CDYL: variants seen among roughly 807,000 people sequenced by gnomAD.
CDYL encodes the protein chromodomain Y like, also known as chromodomain Y-like protein.
Under a neutral mutation model 47.3 loss-of-function variants are expected in CDYL, and 8 were observed. That is an observed-to-expected ratio of 0.17 (90% CI 0.10 to 0.31). The LOEUF (loss-of-function observed/expected upper bound fraction) is 0.31. Ranked by LOEUF, CDYL falls within the 10% of genes least tolerant of loss-of-function variation. The pLI, the probability that CDYL is intolerant of heterozygous loss-of-function variation, is 1.00. For missense variants in CDYL, 471 were observed against 701.4 expected, an observed-to-expected ratio of 0.67 and a Z score of 3.71; for synonymous variants, 266 against 265.0, an observed-to-expected ratio of 1.00 and a Z score of -0.04.
At chr6:4,757,715 G>A (rs1349000135) in intron 3 of CDYL, among the ~76,000 whole-genome samples, 2 of 152,160 alleles carry the variant, frequency 1.3e-5, no homozygotes, top group Admixed American at 1.3e-4. Flanking sequence ...TTGAAGAAAA[G>A]GCATTGTGTA....
chr6:4,815,250 G>C (rs551570038), intron 1 of CDYL, among the ~76,000 whole-genome samples: 1 of 152,012 alleles, frequency 6.6e-6, no homozygotes. Context: ...TGTATATATC[G>C]TGTATCACAT....
intron 1 of CDYL, among the ~76,000 whole-genome samples, chr6:4,851,991 A>C (rs1760842572): frequency 6.6e-6 from 1 of 151,352 alleles, no homozygotes; most frequent in African/African-American, 2.4e-5. Context: ...TGAAGTAACC[A>C]GGCCAGTTGC....
rs561352993 is a variant in CDYL, at chr6:4,805,116, C to T, written c.24+28309C>T. On this transcript the variant is annotated intron_variant, in intron 1 of 6. Transcript: ENST00000397588. ...TTTTGAATAGGAATAATATATAAAC[C>T]ATTGATCTCAAAACACTAAAAACTA... is the stretch of plus-strand genomic sequence containing the variant. Among the ~76,000 whole-genome samples, 3 of 152,268 alleles carry T rather than the reference C, an allele frequency of 2.0e-5. No individual in the cohort carries two copies. The East Asian group carries it at 5.8e-4, about 29-fold the overall frequency.
chr6:4,726,062 A>G (rs906289184), intron 2 of CDYL, among the ~76,000 whole-genome samples: 1 of 152,176 alleles, frequency 6.6e-6, no homozygotes, highest in Admixed American at 6.5e-5. Context: ...CAGCTCCAAA[A>G]TGGTCCCCAT....
At chr6:4,708,058 C>A (rs181930379) in intron 1 of CDYL, among the ~76,000 whole-genome samples, 1 of 152,204 alleles carries the variant, frequency 6.6e-6, no homozygotes. Context: ...TTGGAACTTA[C>A]TGAAACTTCC....
chr6:4,713,699 T>C (rs1478407962), intron 1 of CDYL, among the ~76,000 whole-genome samples: 1 of 151,862 alleles, frequency 6.6e-6, no homozygotes, highest in Non-Finnish European at 1.5e-5. Context: ...GAAGTTCTCC[T>C]GTCTCAGCCC....
chr6:4,907,307 GCTGA>G (rs1369630604), intron 2 of CDYL, among the ~76,000 whole-genome samples: 2 of 152,256 alleles, frequency 1.3e-5, no homozygotes, highest in African/African-American at 2.4e-5. Context: ...TGGAAGAAAA[GCTGA>G]CTGTCAGAGT....
At chr6:4,947,077 A>G (rs938566018) in intron 5 of CDYL, among the ~76,000 whole-genome samples, 1 of 152,186 alleles carries the variant, frequency 6.6e-6, no homozygotes, top group Non-Finnish European at 1.5e-5. Flanking sequence ...CTGAGAATCC[A>G]GGCCCTCGTG....
intron 1 of CDYL, among the ~76,000 whole-genome samples, chr6:4,832,976 A>T (rs1760191099): frequency 6.6e-6 from 1 of 151,680 alleles, no homozygotes; most frequent in Admixed American, 6.6e-5. Flanking sequence ...TTTCTTTATT[A>T]GTCTTGCTAG....
intron 1 of CDYL, among the ~76,000 whole-genome samples, chr6:4,838,450 G>C (rs1298640880): frequency 2.8e-4 from 42 of 152,202 alleles, no homozygotes; most frequent in Non-Finnish European, 7.4e-5. Flanking sequence ...ATGATCTCCA[G>C]TTCCATCCAG....
Position 4,755,040 on chromosome 6 carries a change from T to G in CDYL, c.186+20196T>G, listed in dbSNP as rs535497783. On this transcript the variant is annotated intron_variant, in intron 3 of 8. Coordinates refer to the CDYL transcript ENST00000328908. ...TTTGTCCTGTTTGTTGTTGTTGTTG[T>G]TGTTTTTTGTTTTTTGTTTTGTTTT... Among the ~76,000 whole-genome samples the G allele has an allele frequency of 3.3e-3, 366 of 111,522 alleles. 1 individual carries two copies. The highest frequency in any genetic ancestry group is 0.018 in the Middle Eastern group (4 of 220). The allele number at this position is 111,522 out of a possible 152,430, so 73.2% of individuals were successfully genotyped here.
intron 1 of CDYL, among the ~76,000 whole-genome samples, chr6:4,858,191 CTTTAAAAAGAT>C (rs1220928255): frequency 1.3e-5 from 2 of 152,058 alleles, no homozygotes; most frequent in Non-Finnish European, 2.9e-5. Flanking sequence ...CAGAGTGAGG[CTTTAAAAAGAT>C]TTTTTTGGTT....
chr6:4,891,988 G>A lies in CDYL; in HGVS notation c.300G>A (p.Val100=). Residue 100 remains valine, a synonymous_variant, in exon 2 of 7, where the codon GTG becomes GTA. Coordinates refer to ENST00000397588, the MANE Select transcript of CDYL (RefSeq NM_004824.4). ...CTAAGACCTCTCCTAAGGCACTCGT[G>A]ATTGGGAAAGACCACGAATCCAAAA... ...NFSKTSPKAL[V]IGKDHESKNS... 6.2e-7 allele frequency: 1 copy of A among 1,614,188 alleles called. No individual in the cohort carries two copies. The highest frequency in any genetic ancestry group is 1.1e-5 in the South Asian group (1 of 91,080).
chr6:4,862,639 T>G (rs1761205103), intron 1 of CDYL, among the ~76,000 whole-genome samples: 1 of 152,202 alleles, frequency 6.6e-6, no homozygotes, highest in African/African-American at 2.4e-5. Context: ...GTGTGCTAGG[T>G]CTACAACATT....
chr6:4,949,558 G>T (rs1223186074), intron 5 of CDYL, among the ~76,000 whole-genome samples: 2 of 152,138 alleles, frequency 1.3e-5, no homozygotes, highest in Non-Finnish European at 2.9e-5. Context: ...TTAATAGTTG[G>T]ACAACTTTGA....
At chr6:4,765,027 T>C (rs1245881371) in intron 3 of CDYL, among the ~76,000 whole-genome samples, 1 of 151,484 alleles carries the variant, frequency 6.6e-6, no homozygotes, top group Non-Finnish European at 1.5e-5. Flanking sequence ...TACAATGTTA[T>C]TAAGCCAGAA....
chr6:4,827,470 T>C (rs2127451816), intron 1 of CDYL, among the ~76,000 whole-genome samples: 1 of 152,320 alleles, frequency 6.6e-6, no homozygotes, highest in South Asian at 2.1e-4. Flanking sequence ...ATTTTCTTTG[T>C]GGTTATCATG....
At chr6:4,936,207 G>A (rs1210995477) in intron 3 of CDYL, among the ~76,000 whole-genome samples, 1 of 152,206 alleles carries the variant, frequency 6.6e-6, no homozygotes, top group Non-Finnish European at 1.5e-5. Context: ...AGTCCCTTCA[G>A]AATATTTATC....
chr6:4,794,778 T>C (rs1759024048), intron 1 of CDYL, among the ~76,000 whole-genome samples: 1 of 151,046 alleles, frequency 6.6e-6, no homozygotes, highest in East Asian at 2.2e-4. Flanking sequence ...CTAGAGTTTT[T>C]GTTGTTGTTG....
Sources: gnomAD v4.1 joint callset for allele counts (sites outside exome capture counted in the v4.1 genomes callset) on GRCh38, gnomAD v4.1.1 for gene constraint, MANE v1.5 for transcripts, NCBI Gene and HGNC (gene_info 2026-07-23, HGNC 2026-07-21) for gene names.